MLEC: variants seen among roughly 807,000 people sequenced by gnomAD.
MLEC encodes malectin.
Under a neutral mutation model 28.7 loss-of-function variants are expected in MLEC, and 7 were observed. The ratio of observed to expected loss-of-function variants is 0.24; its 90% confidence interval spans 0.14 to 0.46. MLEC has a LOEUF of 0.46. Ranked by LOEUF, MLEC falls within the 20% of genes least tolerant of loss-of-function variation. The probability of loss-of-function intolerance (pLI) is 0.99; values close to 1 mark genes in which losing one functional copy is unlikely to be tolerated. For synonymous variants in MLEC, 142 were observed against 164.4 expected, an observed-to-expected ratio of 0.86 and a Z score of 1.04; for missense variants, 237 against 391.1, an observed-to-expected ratio of 0.61 and a Z score of 3.32.
At chr12:120,688,679 A>T (rs984084259) in intron 1 of MLEC, among the ~76,000 whole-genome samples, 8 of 152,220 alleles carry the variant, frequency 5.3e-5, no homozygotes, top group African/African-American at 1.9e-4. Flanking sequence ...TTTTACTAAA[A>T]TAGTTAGTTC....
intron 1 of MLEC, among the ~76,000 whole-genome samples, chr12:120,691,057 C>T (rs762937562): frequency 1.8e-4 from 28 of 152,184 alleles, no homozygotes; most frequent in Non-Finnish European, 3.1e-4. Context: ...GTGGGAGTGA[C>T]GCTAGAGCAC....
In MLEC at chr12:120,699,936, G is replaced by A. The variant is rs1159983137; in HGVS notation, c.*3391G>A. 6.6e-6 allele frequency: 1 copy of A among 152,654 alleles called. No homozygotes were observed. Among genetic ancestry groups the A allele is most frequent in the African/African-American group, 2.4e-5 (1 of 41,434 alleles). The allele number at this position is 152,654 out of a possible 1,614,324, so 9.5% of individuals were successfully genotyped here. ...GTTTTGACTTCCTTATCTCTTGGGA[G>A]AAGCTTCTGTTTTAAGGAATTTCTC... On this transcript the variant is annotated 3_prime_UTR_variant, in exon 5 of 5. Transcript: ENST00000228506.
chr12:120,688,168 A>C (rs149828310), intron 1 of MLEC, among the ~76,000 whole-genome samples: 8 of 152,306 alleles, frequency 5.3e-5, no homozygotes, highest in African/African-American at 1.9e-4. Flanking sequence ...CAGTGTAAGA[A>C]TCCGAATGGT....
intron 1 of MLEC, among the ~76,000 whole-genome samples, chr12:120,691,878 G>A (rs1882048604): frequency 6.6e-6 from 1 of 152,076 alleles, no homozygotes; most frequent in African/African-American, 2.4e-5. Context: ...AAAAAGATTC[G>A]GCCTGGTGTG....
intron 1 of MLEC, among the ~76,000 whole-genome samples, chr12:120,690,205 C>G (rs1881987909): frequency 6.6e-6 from 1 of 152,120 alleles, no homozygotes; most frequent in African/African-American, 2.4e-5. Context: ...ACACAGGGGT[C>G]TCACTATGTT....
At chr12:120,688,988 A>T (rs1301006313) in intron 1 of MLEC, among the ~76,000 whole-genome samples, 1 of 152,192 alleles carries the variant, frequency 6.6e-6, no homozygotes, top group East Asian at 1.9e-4. Context: ...GCCCTTGAGG[A>T]AACTAGACAG....
In MLEC at chr12:120,687,711, A is replaced by G. The variant is rs1881882716; in HGVS notation, c.235+180A>G. On this transcript the variant is annotated intron_variant, in intron 1 of 4. Transcript: ENST00000228506. The surrounding 1 kb of genome is among the most constrained non-coding windows in gnomAD (Gnocchi z 8.1). ...CAGGGCCTGGCACTGGCTCCAAGGT[A>G]CCTAGAGTCATACAGGCAGAGAGTT... Among the ~76,000 whole-genome samples, 1 of 152,138 alleles carries G rather than the reference A, an allele frequency of 6.6e-6. No homozygotes were observed. Among genetic ancestry groups the G allele is most frequent in the African/African-American group, 2.4e-5 (1 of 41,430 alleles).
At chr12:120,692,594 T>A (rs1364659900) in intron 1 of MLEC, among the ~76,000 whole-genome samples, 1 of 151,580 alleles carries the variant, frequency 6.6e-6, no homozygotes, top group Non-Finnish European at 1.5e-5. Context: ...AACCACTGGG[T>A]CTTTTTGTTA....
intron 4 of MLEC, 23 bp downstream of exon 4, chr12:120,695,175 T>G: frequency 6.2e-7 from 1 of 1,614,000 alleles, no homozygotes; most frequent in South Asian, 1.1e-5. Flanking sequence ...CTGACCTGCT[T>G]TTTTGACTTG....
rs2137419082 is a variant in MLEC at position 120,694,669 on chromosome 12, C to T, written c.415-155C>T. ...GTGAAGGAACACGGCTTTGATTTGACCCGGGTTAAGGATGCTAACCACCCT... is the reference window on the plus strand; with the variant it reads ...GTGAAGGAACACGGCTTTGATTTGATCCGGGTTAAGGATGCTAACCACCCT... On this transcript the variant is annotated intron_variant, in intron 2 of 4. Coordinates refer to ENST00000228506, the MANE Select transcript of MLEC (RefSeq NM_014730.4). The surrounding 1 kb of genome is among the most constrained non-coding windows in gnomAD (Gnocchi z 4.5). 6.6e-6 allele frequency among the ~76,000 whole-genome samples: 1 copy of T among 152,242 alleles called. No individual in the cohort carries two copies. The highest frequency in any genetic ancestry group is 2.1e-4 in the South Asian group (1 of 4,826).
At chr12:120,695,192 G>C (rs763944621) in intron 4 of MLEC, 40 bp downstream of exon 4, 6 of 1,610,936 alleles carry the variant, frequency 3.7e-6, no homozygotes, top group Non-Finnish European at 5.1e-6. Flanking sequence ...CTTGAGTGGA[G>C]GGATATGGTT....
In MLEC at chr12:120,697,784, A is replaced by C. The variant is rs1008996125; in HGVS notation, c.*1239A>C. ...TTGGTTTATGCCTAGAGCTACTTCA[A>C]GGAACTAGACTAATTAGCTATATAG... On this transcript the variant is annotated 3_prime_UTR_variant, in exon 5 of 5. Coordinates refer to ENST00000228506, the MANE Select transcript of MLEC (RefSeq NM_014730.4). This position sits in a 1 kb window ranked among gnomAD's most constrained non-coding sequence, Gnocchi z 4.8. The C allele has an allele frequency of 6.6e-6, 1 of 152,284 alleles. No individual in the cohort carries two copies. The highest frequency in any genetic ancestry group is 1.5e-5 in the Non-Finnish European group (1 of 68,046). The allele number at this position is 152,284 out of a possible 1,614,324, so 9.4% of individuals were successfully genotyped here.
At chr12:120,691,350 A>C (rs189258359) in intron 1 of MLEC, among the ~76,000 whole-genome samples, 1 of 152,344 alleles carries the variant, frequency 6.6e-6, no homozygotes, top group East Asian at 1.9e-4. Flanking sequence ...ATGCTGTGGG[A>C]TAGGTGGTGT....
chr12:120,694,848 C>T lies in MLEC; in HGVS notation c.439C>T (p.His147Tyr), dbSNP rs1213579445. ...QKVFDVRLNG[H>Y]VVVKDLDIFD... ...GGTATTTGATGTACGATTGAATGGCCACGTCGTGGTGAAGGACTTGGATAT... is the reference window on the plus strand; with the variant it reads ...GGTATTTGATGTACGATTGAATGGCTACGTCGTGGTGAAGGACTTGGATAT... The change falls in exon 3 of 5, where the codon CAC (histidine) becomes TAC (tyrosine). Residue 147 changes from histidine to tyrosine, a missense_variant. His to Tyr is a moderately conservative substitution (Grantham distance 83, BLOSUM62 2). Transcript: ENST00000228506. The surrounding 1 kb of genome is among the most constrained non-coding windows in gnomAD (Gnocchi z 4.5). The T allele has an allele frequency of 2.5e-6, 4 of 1,613,134 alleles. No individual in the cohort carries two copies. The highest frequency in any genetic ancestry group is 1.1e-5 in the South Asian group (1 of 90,956).
At chr12:120,689,500 C>T (rs2137413175) in intron 1 of MLEC, among the ~76,000 whole-genome samples, 1 of 152,294 alleles carries the variant, frequency 6.6e-6, no homozygotes, top group East Asian at 1.9e-4. Context: ...GGAGGTGGCG[C>T]TTGTCAGCTG....
rs747677988 is a variant in MLEC at position 120,694,149 on chromosome 12, G to A, written c.294G>A (p.Leu98=). ...GTTCCAACCCTGAGGACCAGATCCT[G>A]TATCAAACTGAGCGGTACAATGAGG... is the stretch of plus-strand genomic sequence containing the variant. The part of the protein sequence containing the change: ...ILRSNPEDQI[L]YQTERYNEET... Residue 98 remains leucine, a synonymous_variant, in exon 2 of 5, where the codon CTG becomes CTA. Transcript: ENST00000228506. This position sits in a 1 kb window ranked among gnomAD's most constrained non-coding sequence, Gnocchi z 4.5. 2.5e-6 allele frequency: 4 copies of A among 1,614,058 alleles called. No individual in the cohort carries two copies. The South Asian group carries it at 3.3e-5, about 13-fold the overall frequency.
At position 120,698,858 on chromosome 12, in the gene MLEC, G is replaced by A. The variant is rs1331308600; in HGVS notation, c.*2313G>A. On this transcript the variant is annotated 3_prime_UTR_variant, in exon 5 of 5. Transcript: ENST00000228506. ...CTTTTCCCCTGAGCTCAGGGTTAGG[G>A]ATGGGCGCTTTCCTCTCTGGTTGTG... 11 of 152,608 alleles carry A rather than the reference G, an allele frequency of 7.2e-5. No homozygotes were observed. Among genetic ancestry groups the A allele is most frequent in the Middle Eastern group, 3.2e-3 (1 of 316 alleles). 9.5% of individuals were successfully genotyped at this position (152,608 alleles called of 1,614,324 possible).
Position 120,687,719 on chromosome 12 carries a change from T to C in MLEC, c.235+188T>C, listed in dbSNP as rs1881883129. On this transcript the variant is annotated intron_variant, in intron 1 of 4. Coordinates refer to ENST00000228506, the MANE Select transcript of MLEC (RefSeq NM_014730.4). The surrounding 1 kb of genome is among the most constrained non-coding windows in gnomAD (Gnocchi z 8.1). ...GGCACTGGCTCCAAGGTACCTAGAG[T>C]CATACAGGCAGAGAGTTGGCCAGAA... 6.6e-6 allele frequency among the ~76,000 whole-genome samples: 1 copy of C among 152,044 alleles called. No individual in the cohort carries two copies. The highest frequency in any genetic ancestry group is 1.5e-5 in the Non-Finnish European group (1 of 67,986).
In MLEC at chr12:120,694,798, A is replaced by G. The variant is rs568886576; in HGVS notation, c.415-26A>G. The G allele has an allele frequency of 1.9e-4, 298 of 1,590,176 alleles. 1 individual carries two copies. The highest frequency in any genetic ancestry group is 2.4e-4 in the Non-Finnish European group (281 of 1,164,992). On this transcript the variant is annotated intron_variant, in intron 2 of 4. Transcript: ENST00000228506. The surrounding 1 kb of genome is among the most constrained non-coding windows in gnomAD (Gnocchi z 4.5). ...AGGATGTAAAGCTGATGGTTTTGACATTGTTTTCTTTTCTTATCCTGGAAG... is the reference window on the plus strand; with the variant it reads ...AGGATGTAAAGCTGATGGTTTTGACGTTGTTTTCTTTTCTTATCCTGGAAG...
Sources: allele counts gnomAD v4.1 joint callset (sites outside exome capture counted in the v4.1 genomes callset), GRCh38; gene constraint gnomAD v4.1.1; non-coding constraint Gnocchi (gnomAD v3.1); transcripts MANE v1.5; gene names NCBI Gene and HGNC (gene_info 2026-07-23, HGNC 2026-07-21).